The following GBP6 variants were observed in gnomAD, a reference collection of about 807,000 sequenced individuals.
GBP6 encodes the protein guanylate-binding protein 6.
In GBP6, 54 loss-of-function variants were observed where a neutral mutation model predicts 61.5. The ratio of observed to expected loss-of-function variants is 0.88; its 90% CI spans 0.71 to 1.10. The LOEUF is 1.10. GBP6 is among the 50% of genes least tolerant of loss of function. The pLI, the probability that GBP6 is intolerant of heterozygous loss-of-function variation, is 0.00. For synonymous variants in GBP6, 255 were observed against 273.7 expected, an observed-to-expected ratio of 0.93 and a Z score of 0.67; for missense variants, 748 against 752.8, an observed-to-expected ratio of 0.99 and a Z score of 0.07.
At chr1:89,368,017 G>T (rs1652512102) in intron 1 of GBP6, among the ~76,000 whole-genome samples, 1 of 152,168 alleles carries the variant, frequency 6.6e-6, no homozygotes, top group Admixed American at 6.5e-5. Context: ...GCTCCTATAA[G>T]ATCATTTTAG....
chr1:89,369,188 A>C (rs973881361), intron 2 of GBP6, among the ~76,000 whole-genome samples: 1 of 152,210 alleles, frequency 6.6e-6, no homozygotes, highest in Non-Finnish European at 1.5e-5. Flanking sequence ...ATGCAAAAAA[A>C]GATCTCAATT....
chr1:89,385,523 T>C lies in GBP6; in HGVS notation c.*54T>C. 6.6e-7 allele frequency: 1 copy of C among 1,517,824 alleles called. No homozygotes were observed. Among genetic ancestry groups the C allele is most frequent in the South Asian group, 1.2e-5 (1 of 80,206 alleles). The allele number at this position is 1,517,824 out of a possible 1,614,324, so 94.0% of individuals were successfully genotyped here. On this transcript the variant is annotated 3_prime_UTR_variant, in exon 11 of 11. Coordinates refer to ENST00000370456, the MANE Select transcript of GBP6 (RefSeq NM_198460.3). ...TGGACTATTTTTGATCTGTATGTTT[T>C]TCATTTTCATTCAGCAAGTTTTTTT...
rs1164686978 is a variant in GBP6, at chr1:89,369,657, T to C, written c.302T>C (p.Leu101Pro). 6.2e-7 allele frequency: 1 copy of C among 1,613,900 alleles called. No individual in the cohort carries two copies. Among genetic ancestry groups the C allele is most frequent in the East Asian group, 2.2e-5 (1 of 44,892 alleles). The change falls in exon 3 of 11, where the codon CTG (leucine) becomes CCG (proline). Residue 101 changes from leucine (L) to proline (P), a missense_variant. Physicochemically the swap from Leu to Pro is moderately conservative, Grantham distance 98. Coordinates refer to ENST00000370456, the MANE Select transcript of GBP6 (RefSeq NM_198460.3). ...HTLVLLDTEG[L>P]GDVEKGDPKN... The stretch of plus-strand genomic sequence containing the variant: ...CTGGTCCTTCTGGACACCGAAGGTC[T>C]GGGCGATGTGGAAAAGGTAAGACAG...
rs77560722 is a variant in GBP6, at chr1:89,385,308, A to G, written c.1741A>G (p.Met581Val). The change falls in exon 11 of 11, where the codon ATG becomes GTG. Residue 581 changes from methionine (M) to valine (V), a missense_variant. Physicochemically the swap from Met to Val is conservative, Grantham distance 21. Coordinates refer to ENST00000370456, the MANE Select transcript of GBP6 (RefSeq NM_198460.3). ...TGCAGAGATAAGTCAATTTAAACGTATGATTGATACTACAAAAAATGATGA... is the reference window on the plus strand; with the variant it reads ...TGCAGAGATAAGTCAATTTAAACGTGTGATTGATACTACAAAAAATGATGA... Reference protein sequence around the residue: ...MNAEISQFKRMIDTTKNDDTP... With the variant: ...MNAEISQFKRVIDTTKNDDTP... 1.7e-4 allele frequency: 277 copies of G among 1,614,112 alleles called. 2 individuals carry two copies. In the East Asian group the frequency reaches 6.1e-3, roughly 35 times the overall value.
chr1:89,377,641 AT>A (rs1450211959), intron 3 of GBP6, among the ~76,000 whole-genome samples: 1 of 152,190 alleles, frequency 6.6e-6, no homozygotes, highest in Non-Finnish European at 1.5e-5. Flanking sequence ...AATTTATTAA[AT>A]TTGCTTTTCT....
At chr1:89,383,096 G>A (rs1337336495) in intron 8 of GBP6, among the ~76,000 whole-genome samples, 1 of 152,120 alleles carries the variant, frequency 6.6e-6, no homozygotes, top group South Asian at 2.1e-4. Flanking sequence ...CCACCTAGGT[G>A]GTGGTAATAA....
chr1:89,372,650 T>C (rs540901426), intron 3 of GBP6, among the ~76,000 whole-genome samples: 1 of 152,126 alleles, frequency 6.6e-6, no homozygotes, highest in Non-Finnish European at 1.5e-5. Context: ...TTACACCTTA[T>C]ACAAAAATTA....
rs116251422 is a variant in GBP6 at position 89,365,830 on chromosome 1, T to C, written c.-24+1703T>C. Among the ~76,000 whole-genome samples the C allele has an allele frequency of 2.6e-3, 395 of 152,278 alleles. 4 individuals carry two copies. The highest frequency in any genetic ancestry group is 9.0e-3 in the African/African-American group (374 of 41,566). ...ACCTCCTTGGTCAAGGCCACATAAGTAGTGAATGATAGAGCTGGTATTTTT... is the reference window on the plus strand; with the variant it reads ...ACCTCCTTGGTCAAGGCCACATAAGCAGTGAATGATAGAGCTGGTATTTTT... On this transcript the variant is annotated intron_variant, in intron 1 of 10. Coordinates refer to ENST00000370456, the MANE Select transcript of GBP6 (RefSeq NM_198460.3).
intron 5 of GBP6, 100 bp downstream of exon 5, chr1:89,378,713 T>C (rs1457615763): frequency 1.3e-5 from 12 of 942,974 alleles, no homozygotes; most frequent in East Asian, 2.5e-5. Context: ...TGAGACTAGA[T>C]TGAGGTCTGT....
chr1:89,379,491 T>G (rs1407876098), intron 5 of GBP6, among the ~76,000 whole-genome samples: 1 of 152,238 alleles, frequency 6.6e-6, no homozygotes, highest in Non-Finnish European at 1.5e-5. Flanking sequence ...AAAAATGATT[T>G]TGTTTTCTAA....
At chr1:89,370,285 A>T (rs556183624) in intron 3 of GBP6, among the ~76,000 whole-genome samples, 1 of 152,280 alleles carries the variant, frequency 6.6e-6, no homozygotes, top group African/African-American at 2.4e-5. Context: ...GAAAGAGAAG[A>T]GGTATTGACT....
rs1570465657 is a variant in GBP6 at position 89,375,608 on chromosome 1, T to G, written c.319-2495T>G. Among the ~76,000 whole-genome samples the G allele has an allele frequency of 5.3e-5, 8 of 152,044 alleles. 1 individual carries two copies. The highest frequency in any genetic ancestry group is 1.9e-4 in the African/African-American group (8 of 41,496). ...ATTTTTAATGAGGTATAAGGATTTT[T>G]TTTTGCTATTGAGTTATATAAGTTC... On this transcript the variant is annotated intron_variant, in intron 3 of 10. Transcript: ENST00000370456.
intron 8 of GBP6, among the ~76,000 whole-genome samples, 200 bp from the exon 9 acceptor site, chr1:89,383,452 G>T (rs775764737): frequency 3.3e-5 from 5 of 152,138 alleles, no homozygotes; most frequent in African/African-American, 4.8e-5. Context: ...TACAGCAGTG[G>T]GAAAGGCACT....
rs773035311 is a variant in GBP6 at position 89,369,606 on chromosome 1, C to T, written c.251C>T (p.Pro84Leu). 3.1e-6 allele frequency: 5 copies of T among 1,613,964 alleles called. No individual in the cohort carries two copies. Among genetic ancestry groups the T allele is most frequent in the Non-Finnish European group, 4.2e-6 (5 of 1,179,886 alleles). The change falls in exon 3 of 11, where the codon CCC becomes CTC. Residue 84 changes from proline to leucine, a missense_variant. Pro to Leu is a moderately conservative substitution (Grantham distance 98, BLOSUM62 -3). Coordinates refer to ENST00000370456, the MANE Select transcript of GBP6 (RefSeq NM_198460.3). The part of the protein sequence containing the change: ...ETKGIWMWCV[P>L]HPSKPNHTLV... Reference sequence around the variant, plus strand: ...AAGGGCATCTGGATGTGGTGCGTGCCCCACCCATCCAAGCCAAACCACACC... The same window carrying T: ...AAGGGCATCTGGATGTGGTGCGTGCTCCACCCATCCAAGCCAAACCACACC...
intron 5 of GBP6, among the ~76,000 whole-genome samples, chr1:89,378,961 A>C (rs114049588): frequency 7.6e-4 from 116 of 152,318 alleles, no homozygotes; most frequent in African/African-American, 2.7e-3. Flanking sequence ...GATAATTGTT[A>C]GACATGAAAT....
intron 7 of GBP6, 46 bp downstream of exon 7, chr1:89,382,020 A>G: frequency 6.5e-7 from 1 of 1,538,326 alleles, no homozygotes; most frequent in Non-Finnish European, 8.8e-7. Flanking sequence ...CCCCTTGAAG[A>G]ATGAAGCCTA....
rs775684656 is a variant in GBP6 at position 89,381,833 on chromosome 1, G to A, written c.1011G>A (p.Gln337=). 6.2e-7 allele frequency: 1 copy of A among 1,614,140 alleles called. No individual in the cohort carries two copies. Among genetic ancestry groups the A allele is most frequent in the South Asian group, 1.1e-5 (1 of 91,076 alleles). Residue 337 remains glutamine, a synonymous_variant, in exon 7 of 11, where the codon CAG becomes CAA. Coordinates refer to ENST00000370456, the MANE Select transcript of GBP6 (RefSeq NM_198460.3). ...VQRAADYYSQ[Q]MAQRVKLPTD... is the part of the protein sequence containing the mutation. ...GGGCAGCTGACTACTACAGCCAGCA[G>A]ATGGCCCAGCGAGTGAAGCTCCCCA...
chr1:89,377,586 A>G (rs1345160149), intron 3 of GBP6, among the ~76,000 whole-genome samples: 6 of 152,198 alleles, frequency 3.9e-5, no homozygotes, highest in Non-Finnish European at 8.8e-5. Context: ...TGAATTCATC[A>G]TTATGAAAGT....
rs1652531201 is a variant in GBP6, at chr1:89,368,665, G to A, written c.114G>A (p.Val38=). ...TTCTTGAAAAGATTTCTCAGCCAGT[G>A]GTGGTGGTGGCCATTGTAGGACTGT... ...IQILEKISQP[V]VVVAIVGLYR... Residue 38 remains valine (V), a synonymous_variant, in exon 2 of 11, where the codon GTG becomes GTA. Coordinates refer to ENST00000370456, the MANE Select transcript of GBP6 (RefSeq NM_198460.3). 6.2e-7 allele frequency: 1 copy of A among 1,613,522 alleles called. No individual in the cohort carries two copies. Among genetic ancestry groups the A allele is most frequent in the Non-Finnish European group, 8.5e-7 (1 of 1,179,560 alleles).
Sources: gnomAD v4.1 joint callset for allele counts (sites outside exome capture counted in the v4.1 genomes callset) on GRCh38, gnomAD v4.1.1 for gene constraint, MANE v1.5 for transcripts, NCBI Gene and HGNC (gene_info 2026-07-23, HGNC 2026-07-21) for gene names.